The following COL27A1 variants were observed in gnomAD, a reference collection of about 807,000 sequenced individuals.
The protein encoded by COL27A1 is collagen alpha-1(XXVII) chain.
A neutral mutation model predicts 251.3 loss-of-function variants in COL27A1; 106 were observed. The ratio of observed to expected loss-of-function variants is 0.42; its 90% CI spans 0.36 to 0.50. The LOEUF is 0.50. Among genes scored for constraint, COL27A1 ranks in the 20% least tolerant of loss-of-function variants. The pLI is 0.00. For missense variants in COL27A1, 2,325 were observed against 2,522.8 expected, an observed-to-expected ratio of 0.92 and a Z score of 1.68; for synonymous variants, 1,000 against 986.3, an observed-to-expected ratio of 1.01 and a Z score of -0.26.
chr9:114,300,602 A>G (rs764467080), intron 50 of COL27A1, 23 bp from the exon 51 acceptor site: 2 of 1,534,858 alleles, frequency 1.3e-6, no homozygotes, highest in East Asian at 4.8e-5. Context: ...AAGTACAGAC[A>G]GCCCTTTCTC....
chr9:114,287,664 A>G (rs547918246), intron 41 of COL27A1, among the ~76,000 whole-genome samples: 1 of 152,216 alleles, frequency 6.6e-6, no homozygotes, highest in African/African-American at 2.4e-5. Flanking sequence ...TCCCCTGAAC[A>G]GCACCGGGAG....
At chr9:114,280,644 A>G (rs1392424203) in intron 37 of COL27A1, among the ~76,000 whole-genome samples, 1 of 152,246 alleles carries the variant, frequency 6.6e-6, no homozygotes, top group Non-Finnish European at 1.5e-5. Flanking sequence ...TGGGGAAACT[A>G]AGGTTCAGAG....
Position 114,290,072 on chromosome 9 carries a change from G to C in COL27A1, c.4221G>C (p.Lys1407Asn). The change falls in exon 46 of 61, where the codon AAG becomes AAC. Residue 1407 changes from lysine (K) to asparagine (N), a missense_variant. By Grantham distance (94) the Lys-to-Asn change is moderately conservative. Transcript: ENST00000356083. The surrounding 1 kb of genome is among the most constrained non-coding windows in gnomAD (Gnocchi z 4.6). ...GSKGAEGPKGKQGKAGAPGRR... is the reference protein window; with the variant it reads ...GSKGAEGPKGNQGKAGAPGRR... ...TGATTTTTCAGGGACCAAAGGGAAA[G>C]CAAGGCAAGGCAGGGGCCCCAGGCC... The C allele has an allele frequency of 3.1e-6, 5 of 1,611,794 alleles. No homozygotes were observed. Among genetic ancestry groups the C allele is most frequent in the Non-Finnish European group, 4.2e-6 (5 of 1,179,988 alleles).
intron 56 of COL27A1, 25 bp downstream of exon 56, chr9:114,302,133 C>T: frequency 1.2e-6 from 2 of 1,603,376 alleles, no homozygotes; most frequent in Non-Finnish European, 1.7e-6. Context: ...TTCTCTTTTG[C>T]CTACTTGGGG....
At chr9:114,299,441 C>T (rs1274297837) in intron 49 of COL27A1, among the ~76,000 whole-genome samples, 1 of 152,252 alleles carries the variant, frequency 6.6e-6, no homozygotes, top group Non-Finnish European at 1.5e-5. Flanking sequence ...AATTGCTCTC[C>T]TAACCCTTTA....
chr9:114,220,071 C>G lies in COL27A1; in HGVS notation c.2421+227C>G, dbSNP rs530969765. On this transcript the variant is annotated intron_variant, in intron 13 of 60. Transcript: ENST00000356083. The stretch of plus-strand genomic sequence containing the variant: ...TAAGAGTCCCCAGCCCACTGAGCCC[C>G]TGGGTCCAAAGCTCCAGGCTGCACC... 3.3e-5 allele frequency among the ~76,000 whole-genome samples: 5 copies of G among 152,320 alleles called. No individual in the cohort carries two copies. The East Asian group carries it at 9.7e-4, about 29-fold the overall frequency.
At chr9:114,305,786 T>C (rs979971627) in intron 57 of COL27A1, among the ~76,000 whole-genome samples, 3 of 152,106 alleles carry the variant, frequency 2.0e-5, no homozygotes, top group African/African-American at 2.4e-5. Context: ...AGGCTGAAGA[T>C]GTAGTCTGTC....
chr9:114,203,092 A>G (rs1399383928), intron 7 of COL27A1, among the ~76,000 whole-genome samples: 1 of 152,268 alleles, frequency 6.6e-6, no homozygotes. Flanking sequence ...GTACCCATTA[A>G]GCAACTCCCC....
chr9:114,276,611 AC>A (rs1269232708), intron 37 of COL27A1, among the ~76,000 whole-genome samples: 1 of 152,230 alleles, frequency 6.6e-6, no homozygotes, highest in Non-Finnish European at 1.5e-5. Flanking sequence ...TCACAAAAAA[AC>A]AAACAAACAA....
chr9:114,235,218 C>G (rs893892087), intron 16 of COL27A1, among the ~76,000 whole-genome samples: 4 of 152,164 alleles, frequency 2.6e-5, no homozygotes, highest in Admixed American at 6.5e-5. Context: ...TGTGGGGGCC[C>G]TTGCACACGC....
intron 5 of COL27A1, among the ~76,000 whole-genome samples, chr9:114,183,395 G>A (rs991543947): frequency 2.0e-5 from 3 of 152,204 alleles, no homozygotes; most frequent in African/African-American, 4.8e-5. Flanking sequence ...AAGGCTTACC[G>A]GGTTGTAAGA....
At chr9:114,260,720 G>T (rs1228291558) in intron 28 of COL27A1, among the ~76,000 whole-genome samples, 3 of 152,080 alleles carry the variant, frequency 2.0e-5, no homozygotes, top group African/African-American at 7.2e-5. Flanking sequence ...ACTAGAACCT[G>T]GGCCCACCAG....
chr9:114,269,731 G>C (rs1047292007), intron 35 of COL27A1, among the ~76,000 whole-genome samples: 3 of 151,604 alleles, frequency 2.0e-5, no homozygotes, highest in African/African-American at 7.3e-5. Flanking sequence ...CACTTTTCTC[G>C]AGGCACAAGG....
At chr9:114,243,327 A>AC (rs1792292810) in intron 22 of COL27A1, among the ~76,000 whole-genome samples, 180 bp from the exon 23 acceptor site, 1 of 152,130 alleles carries the variant, frequency 6.6e-6, no homozygotes, top group African/African-American at 2.4e-5. Context: ...GCAGCTGGAA[A>AC]CCCTGCCTGT....
intron 13 of COL27A1, among the ~76,000 whole-genome samples, 171 bp downstream of exon 13, chr9:114,220,015 T>G (rs1390842290): frequency 6.6e-6 from 1 of 152,140 alleles, no homozygotes. Flanking sequence ...GCTAGGCTCC[T>G]GTCTACTGCG....
At chr9:114,183,207 C>G (rs1828071032) in intron 5 of COL27A1, 132 bp downstream of exon 5, 1 of 790,278 alleles carries the variant, frequency 1.3e-6, no homozygotes, top group African/African-American at 1.7e-5. Flanking sequence ...GCCAGGGGCA[C>G]CCTCTGGGCC....
chr9:114,307,827 C>T, intron 59 of COL27A1, 49 bp downstream of exon 59: 1 of 1,417,806 alleles, frequency 7.1e-7, no homozygotes, highest in Non-Finnish European at 9.9e-7. Context: ...CCTCTATCCC[C>T]AGCCTGCCCT....
At chr9:114,301,990 A>G (rs867783445) in intron 55 of COL27A1, 92 bp from the exon 56 acceptor site, 2 of 1,288,978 alleles carry the variant, frequency 1.6e-6, no homozygotes, top group Middle Eastern at 3.8e-4. Flanking sequence ...CAGGTCCTGC[A>G]TGCTTTGATG....
chr9:114,176,225 T>G (rs1827428017), intron 3 of COL27A1, among the ~76,000 whole-genome samples: 1 of 152,164 alleles, frequency 6.6e-6, no homozygotes, highest in South Asian at 2.1e-4. Flanking sequence ...TGCTTTTTCT[T>G]TAATTCTGGG....
Sources: gnomAD v4.1 joint callset for allele counts (sites outside exome capture counted in the v4.1 genomes callset) on GRCh38, gnomAD v4.1.1 for gene constraint, Gnocchi (gnomAD v3.1) non-coding constraint, MANE v1.5 for transcripts, NCBI Gene and HGNC (gene_info 2026-07-23, HGNC 2026-07-21) for gene names.